The following DNAJC8 variants were observed in gnomAD, a reference collection of about 807,000 sequenced individuals.
The protein encoded by DNAJC8 is dnaJ homolog subfamily C member 8.
Under a neutral mutation model 43.2 loss-of-function variants are expected in DNAJC8, and 24 were observed. The ratio of observed to expected loss-of-function variants is 0.56; its 90% CI spans 0.40 to 0.78. The LOEUF is 0.78. Ranked by LOEUF, DNAJC8 falls within the 30% of genes least tolerant of loss-of-function variation. DNAJC8 has a pLI of 0.00. For synonymous variants in DNAJC8, 83 were observed against 98.0 expected, an observed-to-expected ratio of 0.85 and a Z score of 0.90; for missense variants, 207 against 299.4, an observed-to-expected ratio of 0.69 and a Z score of 2.28.
chr1:28,224,637 C>A (rs1484467560), intron 2 of DNAJC8, among the ~76,000 whole-genome samples: 1 of 151,988 alleles, frequency 6.6e-6, no homozygotes, highest in Non-Finnish European at 1.5e-5. Flanking sequence ...AATCCCAGCA[C>A]TTTTTGGGAG....
intron 2 of DNAJC8, 48 bp downstream of exon 2, chr1:28,228,874 T>C (rs1195973845): frequency 2.0e-6 from 3 of 1,485,500 alleles, no homozygotes; most frequent in South Asian, 1.1e-5. Flanking sequence ...CCTGCAGCTA[T>C]GCAAATCTCC....
chr1:28,213,906 C>T (rs1646833094), intron 3 of DNAJC8, among the ~76,000 whole-genome samples: 1 of 152,038 alleles, frequency 6.6e-6, no homozygotes, highest in African/African-American at 2.4e-5. Context: ...GTCCCAGCTA[C>T]TGGGGAGGTT....
chr1:28,208,376 T>C lies in DNAJC8; in HGVS notation c.437A>G (p.Lys146Arg). Reference sequence around the variant, plus strand: ...ATCATCCTCCTCTACAATTGTAGGTTTTCCTTCCTTCTTTAATTGTTTTTT... The same window carrying C: ...ATCATCCTCCTCTACAATTGTAGGTCTTCCTTCCTTCTTTAATTGTTTTTT... Reference protein sequence around the residue: ...ERKKQLKKEGKPTIVEEDDPE... With the variant: ...ERKKQLKKEGRPTIVEEDDPE... The change falls in exon 6 of 9, where the codon AAA (lysine) becomes AGA (arginine). Residue 146 changes from lysine to arginine, a missense_variant. Physicochemically the swap from Lys to Arg is conservative, Grantham distance 26. Around this residue, in one of 2 missense-constraint regions of DNAJC8, gnomAD observed 159 missense variants for 267.5 expected, o/e 0.59. Transcript: ENST00000263697. The C allele has an allele frequency of 6.2e-7, 1 of 1,613,422 alleles. No individual in the cohort carries two copies. The highest frequency in any genetic ancestry group is 8.5e-7 in the Non-Finnish European group (1 of 1,179,684).
chr1:28,206,373 C>G (rs1474857470), intron 6 of DNAJC8, among the ~76,000 whole-genome samples: 3 of 151,780 alleles, frequency 2.0e-5, no homozygotes, highest in Non-Finnish European at 4.4e-5. Context: ...ACTTCAGCCC[C>G]CAAAGCACTT....
intron 2 of DNAJC8, among the ~76,000 whole-genome samples, chr1:28,223,440 G>A (rs1423522088): frequency 6.6e-6 from 1 of 152,168 alleles, no homozygotes; most frequent in Non-Finnish European, 1.5e-5. Context: ...CAGGTGTGGT[G>A]AGAAAGGTTT....
chr1:28,227,964 T>C (rs1400901300), intron 2 of DNAJC8, among the ~76,000 whole-genome samples: 2 of 152,224 alleles, frequency 1.3e-5, no homozygotes, highest in African/African-American at 4.8e-5. Flanking sequence ...AAAAGTATAT[T>C]CATTTATCTA....
intron 2 of DNAJC8, among the ~76,000 whole-genome samples, chr1:28,217,252 C>G (rs1557710016): frequency 6.6e-6 from 1 of 152,020 alleles, no homozygotes; most frequent in African/African-American, 2.4e-5. Flanking sequence ...TGGTCTCAGC[C>G]TCTTGAGCAA....
At chr1:28,205,584 T>A (rs534885152) in intron 6 of DNAJC8, among the ~76,000 whole-genome samples, 63 of 152,056 alleles carry the variant, frequency 4.1e-4, no homozygotes, top group African/African-American at 1.1e-3. Context: ...TACAAAAAAA[T>A]TTTTTTTAAA....
chr1:28,203,964 C>T, intron 7 of DNAJC8, 142 bp from the exon 8 acceptor site: 1 of 781,960 alleles, frequency 1.3e-6, no homozygotes, highest in South Asian at 1.6e-5. Flanking sequence ...CTGGAAAGGG[C>T]TCATAGCATT....
intron 8 of DNAJC8, among the ~76,000 whole-genome samples, chr1:28,202,482 T>G (rs1203769628): frequency 6.6e-6 from 1 of 150,718 alleles, no homozygotes; most frequent in East Asian, 2.0e-4. Flanking sequence ...GGTTTCACCG[T>G]GTTAGCCAGG....
At chr1:28,201,831 A>G (rs905448186) in intron 8 of DNAJC8, among the ~76,000 whole-genome samples, 3 of 151,494 alleles carry the variant, frequency 2.0e-5, no homozygotes, top group Admixed American at 2.0e-4. Flanking sequence ...AAAGAGTAGA[A>G]TAGGCCAGGC....
intron 5 of DNAJC8, among the ~76,000 whole-genome samples, chr1:28,209,706 GAAC>G (rs1161069362): frequency 6.6e-6 from 1 of 152,170 alleles, no homozygotes; most frequent in Non-Finnish European, 1.5e-5. Context: ...GAGAGGGAGA[GAAC>G]AACCCTTTCT....
At position 28,212,168 on chromosome 1, in the gene DNAJC8, AATATATATATAT is replaced by A. The variant is rs201782610; in HGVS notation, c.238-1543_238-1532del. Among the ~76,000 whole-genome samples, 45 of 31,022 alleles carry A rather than the reference AATATATATATAT, an allele frequency of 1.5e-3. 2 individuals are homozygous for A. Among genetic ancestry groups the A allele is most frequent in the Middle Eastern group, 0.015 (1 of 68 alleles). The allele number at this position is 31,022 out of a possible 152,430, so 20.4% of individuals were successfully genotyped here. A position where few individuals can be genotyped will look rare whatever the true frequency, so the allele number is the denominator to read the frequency against. ...CGGACTCCGTCTCAATAAATAAATAAATATATATATATATATATATATATATATATATATATA... is the reference window on the plus strand; with the variant it reads ...CGGACTCCGTCTCAATAAATAAATAAATATATATATATATATATATATATA... On this transcript the variant is annotated intron_variant, in intron 3 of 8. Coordinates refer to ENST00000263697, the MANE Select transcript of DNAJC8 (RefSeq NM_014280.3).
Position 28,200,784 on chromosome 1 carries a change from G to C in DNAJC8, c.*464C>G, listed in dbSNP as rs548292505. 75 of 407,126 alleles carry C rather than the reference G, an allele frequency of 1.8e-4. No homozygotes were observed. Among genetic ancestry groups the C allele is most frequent in the African/African-American group, 1.5e-3 (72 of 48,476 alleles). 25.2% of individuals were successfully genotyped at this position (407,126 alleles called of 1,614,324 possible). The stretch of plus-strand genomic sequence containing the variant: ...CACAAGTGTTCCCTGTCTTATCTGG[G>C]CCTTCGAAGGGAGCACACCCAGAAG... On this transcript the variant is annotated 3_prime_UTR_variant, in exon 9 of 9. Coordinates refer to ENST00000263697, the MANE Select transcript of DNAJC8 (RefSeq NM_014280.3).
At chr1:28,231,440 G>C (rs1413943578) in intron 1 of DNAJC8, among the ~76,000 whole-genome samples, 1 of 152,140 alleles carries the variant, frequency 6.6e-6, no homozygotes, top group Non-Finnish European at 1.5e-5. Flanking sequence ...TCCCGGCCAG[G>C]CGTGGTGGCT....
intron 2 of DNAJC8, among the ~76,000 whole-genome samples, chr1:28,218,322 C>T (rs557758948): frequency 1.3e-5 from 2 of 151,686 alleles, no homozygotes; most frequent in African/African-American, 2.4e-5. Flanking sequence ...CTCGAACTCC[C>T]GACTTCAGGT....
In DNAJC8 at chr1:28,200,900, T is replaced by C. The variant is rs9447; in HGVS notation, c.*348A>G. On this transcript the variant is annotated 3_prime_UTR_variant, in exon 9 of 9. Transcript: ENST00000263697. ...ACACTGTTTTAAGCAGTATGTTTAATTGGATGATTTCCACAAACTATCCAC... is the reference window on the plus strand; with the variant it reads ...ACACTGTTTTAAGCAGTATGTTTAACTGGATGATTTCCACAAACTATCCAC... 154 of 364,594 alleles carry C rather than the reference T, an allele frequency of 4.2e-4. No homozygotes were observed. The highest frequency in any genetic ancestry group is 2.6e-3 in the African/African-American group (124 of 47,396). 22.6% of individuals were successfully genotyped at this position (364,594 alleles called of 1,614,324 possible).
At chr1:28,231,627 A>G (rs1263458826) in intron 1 of DNAJC8, among the ~76,000 whole-genome samples, 1 of 151,880 alleles carries the variant, frequency 6.6e-6, no homozygotes, top group Non-Finnish European at 1.5e-5. Context: ...AGGCGAGAGA[A>G]TCACTTGAAC....
At chr1:28,205,209 G>A (rs1398884142) in intron 7 of DNAJC8, 49 bp downstream of exon 7, 6 of 1,376,208 alleles carry the variant, frequency 4.4e-6, no homozygotes, top group Non-Finnish European at 6.1e-6. Flanking sequence ...ACCAATGTTA[G>A]TTAATCTAGG....
Sources: gnomAD v4.1 joint callset for allele counts (sites outside exome capture counted in the v4.1 genomes callset) on GRCh38, gnomAD v4.1.1 for gene constraint, gnomAD v4.1.1 regional missense constraint, MANE v1.5 for transcripts, NCBI Gene and HGNC (gene_info 2026-07-23, HGNC 2026-07-21) for gene names.